Variants in ROCK1 observed in about 807,000 individuals in gnomAD.
The protein encoded by ROCK1 is Rho associated coiled-coil containing protein kinase 1.
Under a neutral mutation model 196.8 loss-of-function variants are expected in ROCK1, and 36 were observed. The observed-to-expected ratio is 0.18, with a 90% CI of 0.14 to 0.24. ROCK1 has a LOEUF of 0.24. ROCK1 is among the 10% of genes least tolerant of loss of function. The pLI is 1.00. For synonymous variants in ROCK1, 443 were observed against 515.9 expected (o/e 0.86, Z 1.91); for missense variants, 920 against 1,562.0 (o/e 0.59, Z 6.93).
At chr18:21,105,311 C>T (rs2036694221) in intron 1 of ROCK1, among the ~76,000 whole-genome samples, 1 of 152,094 alleles carries the variant, frequency 6.6e-6, no homozygotes, top group South Asian at 2.1e-4. Context: ...AGGAGAGTAA[C>T]TTGTTTTTTT....
intron 22 of ROCK1, among the ~76,000 whole-genome samples, chr18:20,970,941 T>C (rs1359048882): frequency 6.6e-6 from 1 of 152,188 alleles, no homozygotes; most frequent in African/African-American, 2.4e-5. Flanking sequence ...CTTCCTGCAG[T>C]TCAGTTTCAT....
At chr18:21,095,713 G>A (rs2036607442) in intron 1 of ROCK1, among the ~76,000 whole-genome samples, 1 of 149,772 alleles carries the variant, frequency 6.7e-6, no homozygotes, top group East Asian at 1.9e-4. Context: ...GGACTGGGGG[G>A]ATAGTTAATG....
chr18:21,074,579 A>C (rs2036413727), intron 1 of ROCK1, among the ~76,000 whole-genome samples: 1 of 152,236 alleles, frequency 6.6e-6, no homozygotes, highest in African/African-American at 2.4e-5. Context: ...TCTTACATTA[A>C]GACTGCCTCA....
intron 22 of ROCK1, among the ~76,000 whole-genome samples, chr18:20,973,058 T>C (rs926220411): frequency 1.3e-5 from 2 of 151,908 alleles, no homozygotes; most frequent in Non-Finnish European, 2.9e-5. Context: ...TTTGTATTTT[T>C]AGTACAGATG....
chr18:21,004,453 G>A (rs1047507409), intron 16 of ROCK1, among the ~76,000 whole-genome samples: 6 of 152,156 alleles, frequency 3.9e-5, no homozygotes, highest in African/African-American at 1.4e-4. Flanking sequence ...CATTATTTTA[G>A]TGTATGTGAG....
intron 2 of ROCK1, among the ~76,000 whole-genome samples, chr18:21,067,194 CAT>C (rs1331457905): frequency 2.0e-5 from 3 of 152,046 alleles, no homozygotes; most frequent in Admixed American, 6.6e-5. Context: ...CAGTTCTGCA[CAT>C]GTTTACTGGC....
chr18:20,976,580 C>A (rs930347703), intron 22 of ROCK1, among the ~76,000 whole-genome samples: 1 of 152,184 alleles, frequency 6.6e-6, no homozygotes, highest in African/African-American at 2.4e-5. Flanking sequence ...TATATCTGCA[C>A]TTAGACCCCA....
At chr18:21,071,183 T>C (rs1033000032) in intron 1 of ROCK1, among the ~76,000 whole-genome samples, 3 of 1,080 alleles carry the variant, frequency 2.8e-3, no homozygotes, top group Non-Finnish European at 4.7e-3. Flanking sequence ...TTTTTCTGCT[T>C]TTTTTTTTTT....
At chr18:21,053,176 T>C (rs1199710114) in intron 2 of ROCK1, among the ~76,000 whole-genome samples, 2 of 152,214 alleles carry the variant, frequency 1.3e-5, no homozygotes, top group Admixed American at 6.5e-5. Flanking sequence ...TTTCTCTCTG[T>C]ACACATTTGT....
intron 2 of ROCK1, among the ~76,000 whole-genome samples, chr18:21,060,833 C>A (rs1311561257): frequency 1.5e-5 from 2 of 131,650 alleles, no homozygotes; most frequent in African/African-American, 6.4e-5. Flanking sequence ...GAGCGAAACT[C>A]CATCTCAAAA....
intron 1 of ROCK1, among the ~76,000 whole-genome samples, chr18:21,109,094 T>A (rs1418523665): frequency 6.6e-6 from 1 of 152,250 alleles, no homozygotes; most frequent in Non-Finnish European, 1.5e-5. Context: ...CAACTCACAG[T>A]GACTTCTTTC....
chr18:21,045,904 T>G (rs1315498897), intron 4 of ROCK1, among the ~76,000 whole-genome samples: 1 of 124,120 alleles, frequency 8.1e-6, no homozygotes, highest in Non-Finnish European at 1.7e-5. Context: ...CAGCTGTTTT[T>G]TTTTTTTTTT....
At chr18:21,046,788 TTAA>T (rs572829843) in intron 4 of ROCK1, among the ~76,000 whole-genome samples, 223 of 152,344 alleles carry the variant, frequency 1.5e-3, no homozygotes, top group Non-Finnish European at 2.4e-3. Context: ...TAAAATCTTC[TTAA>T]TGTTTCATTT....
intron 1 of ROCK1, among the ~76,000 whole-genome samples, chr18:21,070,989 A>G (rs2036379468): frequency 6.6e-6 from 1 of 152,170 alleles, no homozygotes; most frequent in South Asian, 2.1e-4. Context: ...ATATTTTATA[A>G]GGTAACAGCT....
intron 5 of ROCK1, chr18:21,045,047 A>T: frequency 5.9e-5 from 12 of 202,742 alleles, no homozygotes; most frequent in Non-Finnish European, 1.1e-4. Flanking sequence ...TTTTTTGTAG[A>T]GATGGGTTTC....
intron 1 of ROCK1, among the ~76,000 whole-genome samples, chr18:21,094,889 A>G (rs1290873061): frequency 6.6e-6 from 1 of 151,930 alleles, no homozygotes; most frequent in Non-Finnish European, 1.5e-5. Flanking sequence ...TCTACTAAAA[A>G]CACCAAAAAA....
At chr18:21,018,531 A>C (rs1192093454) in intron 12 of ROCK1, among the ~76,000 whole-genome samples, 1 of 111,578 alleles carries the variant, frequency 9.0e-6, no homozygotes, top group East Asian at 2.5e-4. Context: ...ATTTCGTCTC[A>C]AAAAAAAAAA....
intron 27 of ROCK1, among the ~76,000 whole-genome samples, chr18:20,964,471 G>A (rs756984586): frequency 6.6e-6 from 1 of 151,998 alleles, no homozygotes; most frequent in Non-Finnish European, 1.5e-5. Flanking sequence ...CAAAATATCT[G>A]ACCCACAGAG....
rs1051643138 is a variant in ROCK1 at position 21,111,300 on chromosome 18, G to C, written c.-390C>G. ...GGTAGAGAAAGAGAAGCAGGGTGGA[G>C]ACTCCCTCCGGGCAACAAGGGAGGG... On this transcript the variant is annotated 5_prime_UTR_variant, in exon 1 of 33. Transcript: ENST00000399799. This position sits in a 1 kb window ranked among gnomAD's most constrained non-coding sequence, Gnocchi z 4.2. 13 of 465,226 alleles carry C rather than the reference G, an allele frequency of 2.8e-5. No homozygotes were observed. The highest frequency in any genetic ancestry group is 2.2e-4 in the African/African-American group (11 of 49,094). 28.8% of individuals were successfully genotyped at this position (465,226 alleles called of 1,614,324 possible).
Sources: gnomAD v4.1 joint callset for allele counts (sites outside exome capture counted in the v4.1 genomes callset) on GRCh38, gnomAD v4.1.1 for gene constraint, Gnocchi (gnomAD v3.1) non-coding constraint, MANE v1.5 for transcripts, NCBI Gene and HGNC (gene_info 2026-07-23, HGNC 2026-07-21) for gene names.